SLC9A9: variants seen among roughly 807,000 people sequenced by gnomAD.
SLC9A9 encodes sodium/hydrogen exchanger 9.
Under a neutral mutation model 77.8 loss-of-function variants are expected in SLC9A9, and 62 were observed. The observed-to-expected ratio is 0.80, with a 90% CI of 0.65 to 0.98. SLC9A9 has a LOEUF of 0.98. Ranked by LOEUF, SLC9A9 falls within the 50% of genes least tolerant of loss-of-function variation. The pLI, the probability that SLC9A9 is intolerant of heterozygous loss-of-function variation, is 0.00. For missense variants in SLC9A9, 775 were observed against 774.9 expected (o/e 1.00, Z 0.00); for synonymous variants, 320 against 283.5 (o/e 1.13, Z -1.29).
rs531757637 is a variant in SLC9A9, at chr3:143,521,252, C to T, written c.1090-25804G>A. 1.3e-4 allele frequency among the ~76,000 whole-genome samples: 20 copies of T among 152,102 alleles called. 1 individual carries two copies. The highest frequency in any genetic ancestry group is 1.1e-3 in the Admixed American group (17 of 15,270). On this transcript the variant is annotated intron_variant, in intron 9 of 15. Transcript: ENST00000316549. ...ATCTAGGTAAATAAATGAGAACTAA[C>T]CTATACTTATTGAGTCAAGATAGCA...
chr3:143,811,998 C>T (rs2008880655), intron 2 of SLC9A9, among the ~76,000 whole-genome samples: 1 of 151,938 alleles, frequency 6.6e-6, no homozygotes, highest in Admixed American at 6.6e-5. Flanking sequence ...AAATAGACAA[C>T]GTTGGGTTCC....
chr3:143,383,171 A>G (rs1257109519), intron 12 of SLC9A9, among the ~76,000 whole-genome samples: 1 of 152,242 alleles, frequency 6.6e-6, no homozygotes, highest in African/African-American at 2.4e-5. Flanking sequence ...AATTTTCAAC[A>G]GAGTCCCCAG....
At chr3:143,717,445 G>A (rs767789630) in intron 4 of SLC9A9, among the ~76,000 whole-genome samples, 7 of 152,152 alleles carry the variant, frequency 4.6e-5, no homozygotes, top group South Asian at 4.1e-4. Context: ...GTTAGAATTC[G>A]TGGCTGACAA....
chr3:143,548,841 C>G (rs1479711374), intron 9 of SLC9A9, among the ~76,000 whole-genome samples: 1 of 152,090 alleles, frequency 6.6e-6, no homozygotes, highest in Non-Finnish European at 1.5e-5. Flanking sequence ...TTCTCTAAAG[C>G]CTTTGTATCC....
intron 14 of SLC9A9, among the ~76,000 whole-genome samples, chr3:143,311,715 C>T (rs1358881933): frequency 2.0e-5 from 3 of 152,152 alleles, no homozygotes; most frequent in African/African-American, 7.2e-5. Context: ...TCTCAAGATG[C>T]ACATCTAATT....
chr3:143,525,924 T>C (rs918391178), intron 9 of SLC9A9, among the ~76,000 whole-genome samples: 1 of 152,202 alleles, frequency 6.6e-6, no homozygotes, highest in African/African-American at 2.4e-5. Flanking sequence ...AGTTTATTCT[T>C]GATAAATGAA....
chr3:143,350,828 G>A (rs1479459760), intron 14 of SLC9A9, among the ~76,000 whole-genome samples: 3 of 152,150 alleles, frequency 2.0e-5, no homozygotes, highest in East Asian at 1.9e-4. Context: ...CCACAGCTCC[G>A]TGTTGCTTCT....
In SLC9A9 at chr3:143,746,825, C is replaced by T. The variant is rs1199161361; in HGVS notation, c.533+48176G>A. On this transcript the variant is annotated intron_variant, in intron 4 of 15. Transcript: ENST00000316549. Reference sequence around the variant, plus strand: ...TCTCAGTCATTTGCTATCAGCTTTCCTCCTTAAACATAGAAAAAGGTGACA... The same window carrying T: ...TCTCAGTCATTTGCTATCAGCTTTCTTCCTTAAACATAGAAAAAGGTGACA... 3.9e-5 allele frequency among the ~76,000 whole-genome samples: 6 copies of T among 152,264 alleles called. No individual in the cohort carries two copies. The East Asian group carries it at 9.6e-4, about 24-fold the overall frequency.
chr3:143,743,241 G>GGATGGATAGATAGATAGATA, intron 4 of SLC9A9, among the ~76,000 whole-genome samples: 1 of 133,682 alleles, frequency 7.5e-6, no homozygotes, highest in South Asian at 2.5e-4. Flanking sequence ...ATGGATGGAT[G>GGATGGATAGATAGATAGATA]GATAGATAGA....
At chr3:143,614,843 G>A (rs531919080) in intron 6 of SLC9A9, among the ~76,000 whole-genome samples, 16 of 152,190 alleles carry the variant, frequency 1.1e-4, no homozygotes, top group Non-Finnish European at 8.8e-5. Flanking sequence ...CCAGAAATTT[G>A]AAATTTAAGA....
At chr3:143,630,978 G>C (rs554977599) in intron 6 of SLC9A9, among the ~76,000 whole-genome samples, 4 of 152,006 alleles carry the variant, frequency 2.6e-5, no homozygotes, top group Non-Finnish European at 4.4e-5. Flanking sequence ...ATACCTCTCA[G>C]ATTCATATCA....
At chr3:143,325,324 T>C (rs1370815388) in intron 14 of SLC9A9, among the ~76,000 whole-genome samples, 1 of 152,244 alleles carries the variant, frequency 6.6e-6, no homozygotes, top group Non-Finnish European at 1.5e-5. Flanking sequence ...TACTGAGAAG[T>C]GCCTGTAATA....
chr3:143,399,924 T>TA (rs2033813101), intron 12 of SLC9A9, among the ~76,000 whole-genome samples: 1 of 152,214 alleles, frequency 6.6e-6, no homozygotes. Context: ...ATATGCTAGA[T>TA]ATTGTGGTAG....
rs36111751 is a variant in SLC9A9 at position 143,431,630 on chromosome 3, C to T, written c.1469+35407G>A. On this transcript the variant is annotated intron_variant, in intron 12 of 15. Coordinates refer to ENST00000316549, the MANE Select transcript of SLC9A9 (RefSeq NM_173653.4). ...CCTGAGTGGCTGGACTACAGGCACC[C>T]GCCACCATGCCCGGCTAATTTTTTG... Among the ~76,000 whole-genome samples, 915 of 151,996 alleles carry T rather than the reference C, an allele frequency of 6.0e-3. 7 individuals carry two copies. Among genetic ancestry groups the T allele is most frequent in the Non-Finnish European group, 1.0e-2 (677 of 67,950 alleles).
intron 6 of SLC9A9, among the ~76,000 whole-genome samples, chr3:143,596,618 A>G (rs2037756526): frequency 6.6e-6 from 1 of 152,162 alleles, no homozygotes; most frequent in Non-Finnish European, 1.5e-5. Context: ...AAACTCATTA[A>G]AAACTCAAAA....
In SLC9A9 at chr3:143,266,386, GA is replaced by G. The variant is rs1310645811; in HGVS notation, c.*315del. On this transcript the variant is annotated 3_prime_UTR_variant, in exon 16 of 16. Coordinates refer to ENST00000316549, the MANE Select transcript of SLC9A9 (RefSeq NM_173653.4). ...GGCCTGGAGAGCCGCATTCGCAGCA[GA>G]AATGCCCTGAAGACCCAGCACAGCT... 1.8e-6 allele frequency: 1 copy of G among 548,688 alleles called. No homozygotes were observed. Among genetic ancestry groups the G allele is most frequent in the Non-Finnish European group, 3.3e-6 (1 of 307,014 alleles). 34.0% of individuals were successfully genotyped at this position (548,688 alleles called of 1,614,324 possible). A position where few individuals can be genotyped will look rare whatever the true frequency, so the allele number is the denominator to read the frequency against.
intron 14 of SLC9A9, among the ~76,000 whole-genome samples, chr3:143,337,288 T>G (rs1341405147): frequency 6.6e-6 from 1 of 152,056 alleles, no homozygotes; most frequent in African/African-American, 2.4e-5. Context: ...CATTCAGAAC[T>G]GGCCACTGTG....
intron 2 of SLC9A9, among the ~76,000 whole-genome samples, chr3:143,799,247 A>G (rs1466504057): frequency 6.6e-6 from 1 of 151,288 alleles, no homozygotes; most frequent in African/African-American, 2.5e-5. Context: ...ACTGCCCTAG[A>G]CCCATAGGGG....
At chr3:143,744,385 G>T (rs1220347240) in intron 4 of SLC9A9, among the ~76,000 whole-genome samples, 1 of 152,162 alleles carries the variant, frequency 6.6e-6, no homozygotes, top group Admixed American at 6.5e-5. Context: ...GACTCTCAAA[G>T]AGGCTCTTAA....
Sources: gnomAD v4.1 joint callset for allele counts (sites outside exome capture counted in the v4.1 genomes callset) on GRCh38, gnomAD v4.1.1 for gene constraint, MANE v1.5 for transcripts, NCBI Gene and HGNC (gene_info 2026-07-23, HGNC 2026-07-21) for gene names.